SDCBP2: variants seen among roughly 807,000 people sequenced by gnomAD.
SDCBP2 encodes syndecan binding protein 2.
In SDCBP2, 28 loss-of-function variants were observed where a neutral mutation model predicts 30.7. That is an observed-to-expected ratio of 0.91 (90% CI 0.68 to 1.25). The LOEUF (loss-of-function observed/expected upper bound fraction) is 1.25, where lower values mean the gene tolerates loss of function less well. SDCBP2 is among the 50% of genes most tolerant of loss of function. The probability of loss-of-function intolerance (pLI) is 0.00; values close to 1 mark genes in which losing one functional copy is unlikely to be tolerated. For missense variants in SDCBP2, 399 were observed against 379.0 expected (o/e 1.05, Z -0.44); for synonymous variants, 166 against 157.3 (o/e 1.06, Z -0.41).
intron 4 of SDCBP2, among the ~76,000 whole-genome samples, chr20:1,316,342 A>C (rs1261360177): frequency 1.3e-5 from 2 of 152,194 alleles, no homozygotes; most frequent in African/African-American, 4.8e-5. Flanking sequence ...TGGAGCACTC[A>C]TGTATTGCTC....
rs546018399 is a variant in SDCBP2 at position 1,312,164 on chromosome 20, C to T, written c.732+173G>A. On this transcript the variant is annotated intron_variant, in intron 7 of 8. Transcript: ENST00000360779. ...CCTCCTGCTTTGGCCTCTCAAAGCA[C>T]TGGGATTACAGACGTGAGTCACCGC... Among the ~76,000 whole-genome samples the T allele has an allele frequency of 7.2e-5, 11 of 152,228 alleles. No homozygotes were observed. In the East Asian group the frequency reaches 2.1e-3, roughly 29 times the overall value.
chr20:1,316,624 A>C (rs751551935), intron 4 of SDCBP2, among the ~76,000 whole-genome samples: 1 of 152,172 alleles, frequency 6.6e-6, no homozygotes, highest in Non-Finnish European at 1.5e-5. Flanking sequence ...TTCTGGGCTC[A>C]AGTGATCCAC....
At chr20:1,318,218 C>T (rs767764209) in intron 4 of SDCBP2, 100 bp downstream of exon 4, 189 of 841,228 alleles carry the variant, frequency 2.2e-4, no homozygotes, top group East Asian at 1.7e-4. Flanking sequence ...AGGGGAGGTC[C>T]GAGCACAGAG....
In SDCBP2 at chr20:1,312,358, C is replaced by T; in HGVS notation, c.711G>A (p.Gly237=). The stretch of plus-strand genomic sequence containing the variant: ...CTACCTTCAGCCCGATAACATTCTG[C>T]CCGTCCACCTCACACACGTAGTGGT... ...LTNHYVCEVD[G]QNVIGLKDKK... The change falls in exon 7 of 9, where the codon GGG becomes GGA. Residue 237 remains glycine (G), a synonymous_variant. Coordinates refer to ENST00000360779, the MANE Select transcript of SDCBP2 (RefSeq NM_080489.5). 2 of 1,613,104 alleles carry T rather than the reference C, an allele frequency of 1.2e-6. No individual in the cohort carries two copies. The highest frequency in any genetic ancestry group is 2.2e-5 in the East Asian group (1 of 44,812).
chr20:1,319,228 C>T (rs576314720), intron 3 of SDCBP2, among the ~76,000 whole-genome samples: 63 of 152,280 alleles, frequency 4.1e-4, no homozygotes, highest in Non-Finnish European at 7.5e-4. Flanking sequence ...TGACTCAAAT[C>T]GTTTATATAG....
intron 1 of SDCBP2, chr20:1,322,346 C>T (rs1352152864): frequency 1.3e-5 from 2 of 152,194 alleles, no homozygotes; most frequent in Non-Finnish European, 2.9e-5. Flanking sequence ...TGTCTGTCTA[C>T]CTCCTTAGGA....
intron 1 of SDCBP2, chr20:1,323,271 TACAC>T (rs1364042108): frequency 1.3e-5 from 2 of 152,166 alleles, no homozygotes; most frequent in African/African-American, 4.8e-5. Flanking sequence ...CCCCACTGTG[TACAC>T]ACACTATGAG....
At chr20:1,323,177 C>G (rs988137336) in intron 1 of SDCBP2, 1 of 152,194 alleles carries the variant, frequency 6.6e-6, no homozygotes, top group African/African-American at 2.4e-5. Flanking sequence ...CCCAACAGGA[C>G]AGGAATTTCC....
In SDCBP2 at chr20:1,318,330, T is replaced by C. The variant is rs757202197; in HGVS notation, c.213A>G (p.Pro71=). 4.3e-6 allele frequency: 7 copies of C among 1,612,676 alleles called. No individual in the cohort carries two copies. The South Asian group carries it at 4.4e-5, about 10-fold the overall frequency. Residue 71 remains proline (P), a synonymous_variant, in exon 4 of 9, where the codon CCA becomes CCG. Transcript: ENST00000360779. ...GCCAAATACATACACTGTCACCCTC[T>C]GGAATCTGAAGCAGGCTCTCCTGGA... ...QEVQESLLQI[P]EGDSTAVSGP...
intron 1 of SDCBP2, chr20:1,323,326 C>T (rs1045214591): frequency 6.6e-6 from 1 of 152,190 alleles, no homozygotes; most frequent in Non-Finnish European, 1.5e-5. Context: ...TATCATCTGC[C>T]AAAACATGAC....
At position 1,315,742 on chromosome 20, in the gene SDCBP2, T is replaced by C. The variant is rs186382078; in HGVS notation, c.226-2244A>G. Among the ~76,000 whole-genome samples, 666 of 152,130 alleles carry C rather than the reference T, an allele frequency of 4.4e-3. 3 individuals carry two copies. The highest frequency in any genetic ancestry group is 0.015 in the African/African-American group (628 of 41,506). On this transcript the variant is annotated intron_variant, in intron 4 of 8. Coordinates refer to ENST00000360779, the MANE Select transcript of SDCBP2 (RefSeq NM_080489.5). Reference sequence around the variant, plus strand: ...TAGGTAAATATTTCTTTACAAAGTATGAGCCACAAAAGAAAAAAAAATCAA... The same window carrying C: ...TAGGTAAATATTTCTTTACAAAGTACGAGCCACAAAAGAAAAAAAAATCAA...
chr20:1,315,221 G>A (rs2088759619), intron 4 of SDCBP2, among the ~76,000 whole-genome samples: 1 of 152,176 alleles, frequency 6.6e-6, no homozygotes, highest in African/African-American at 2.4e-5. Flanking sequence ...ACTGCTTTTT[G>A]CAAGAGTGCT....
At chr20:1,319,518 G>T in intron 3 of SDCBP2, 72 bp downstream of exon 3, 2 of 1,478,424 alleles carry the variant, frequency 1.4e-6, no homozygotes, top group Non-Finnish European at 1.9e-6. Flanking sequence ...CTTTGGCATT[G>T]CCAAGCTTCC....
intron 7 of SDCBP2, chr20:1,311,152 G>C: frequency 2.4e-6 from 1 of 421,556 alleles, no homozygotes; most frequent in Non-Finnish European, 4.3e-6. Flanking sequence ...CCCACCCTCA[G>C]CTTGAAGGCC....
In SDCBP2 at chr20:1,319,598, G is replaced by C. The variant is rs759680345; in HGVS notation, c.116C>G (p.Pro39Arg). 1.5e-5 allele frequency: 23 copies of C among 1,569,484 alleles called. No homozygotes were observed. The African/African-American group carries it at 3.0e-4, about 20-fold the overall frequency. The change falls in exon 3 of 9, where the codon CCA (proline) becomes CGA (arginine). Residue 39 changes from proline (P) to arginine (R), a missense_variant. By Grantham distance (103) the Pro-to-Arg change is moderately radical. Coordinates refer to ENST00000360779, the MANE Select transcript of SDCBP2 (RefSeq NM_080489.5). Reference sequence around the variant, plus strand: ...CATCCCAGCCCACTCACCTGGTGGTGGGGAAATGGCTGTTGCCTGGACTGG... The same window carrying C: ...CATCCCAGCCCACTCACCTGGTGGTCGGGAAATGGCTGTTGCCTGGACTGG... ...ALPVQATAIS[P>R]PPVLYPNLAE...
intron 4 of SDCBP2, among the ~76,000 whole-genome samples, chr20:1,316,293 T>C (rs1454436386): frequency 6.6e-6 from 1 of 152,166 alleles, no homozygotes; most frequent in Non-Finnish European, 1.5e-5. Context: ...AAATATAAAA[T>C]AGTAATAATA....
At chr20:1,322,281 G>GC (rs2088859541) in intron 1 of SDCBP2, 1 of 152,176 alleles carries the variant, frequency 6.6e-6, no homozygotes, top group Non-Finnish European at 1.5e-5. Context: ...CCTAGCCCCT[G>GC]CTCCATGTCC....
At chr20:1,316,821 AC>A (rs1039802040) in intron 4 of SDCBP2, among the ~76,000 whole-genome samples, 8 of 152,346 alleles carry the variant, frequency 5.3e-5, no homozygotes, top group Middle Eastern at 3.4e-3. Context: ...GTTTGTAACC[AC>A]CAAAAACTGG....
chr20:1,312,506 G>A lies in SDCBP2; in HGVS notation c.563C>T (p.Pro188Leu), dbSNP rs1401197027. The A allele has an allele frequency of 1.1e-5, 17 of 1,614,014 alleles. No homozygotes were observed. Among genetic ancestry groups the A allele is most frequent in the Middle Eastern group, 1.6e-4 (1 of 6,084 alleles). Reference protein sequence around the residue: ...DKIVVVVRDRPFQRTVTMHKD... With the variant: ...DKIVVVVRDRLFQRTVTMHKD... Reference sequence around the variant, plus strand: ...GTGCATGGTGACAGTCCGCTGGAACGGCCTGGCAGGAGGGACAGTGAGCTG... The same window carrying A: ...GTGCATGGTGACAGTCCGCTGGAACAGCCTGGCAGGAGGGACAGTGAGCTG... Residue 188 changes from proline (P) to leucine (L), a missense_variant and splice_region_variant, in exon 7 of 9, where the codon CCG becomes CTG. Transcript: ENST00000360779.
Sources: gnomAD v4.1 joint callset for allele counts (sites outside exome capture counted in the v4.1 genomes callset) on GRCh38, gnomAD v4.1.1 for gene constraint, MANE v1.5 for transcripts, NCBI Gene and HGNC (gene_info 2026-07-23, HGNC 2026-07-21) for gene names.